Variants in CROCC2 observed in about 807,000 individuals in gnomAD.
CROCC2 encodes the protein ciliary rootlet coiled-coil protein 2.
In CROCC2, 163 loss-of-function variants were observed where a neutral mutation model predicts 177.6. That is an observed-to-expected ratio of 0.92 (90% CI 0.81 to 1.05). The LOEUF (loss-of-function observed/expected upper bound fraction) is 1.05, where lower values mean the gene tolerates loss of function less well. CROCC2 is among the 50% of genes least tolerant of loss of function. CROCC2 has a pLI of 0.00. For missense variants in CROCC2, 1,929 were observed against 1,797.8 expected, an observed-to-expected ratio of 1.07 and a Z score of -1.32; for synonymous variants, 904 against 787.3, an observed-to-expected ratio of 1.15 and a Z score of -2.48.
intron 28 of CROCC2, among the ~76,000 whole-genome samples, chr2:240,986,520 C>T (rs531832669): frequency 2.6e-5 from 4 of 152,352 alleles, no homozygotes; most frequent in East Asian, 1.9e-4. Flanking sequence ...CCTGGAAAGC[C>T]GAGCCGGTGT....
At position 240,982,614 on chromosome 2, in the gene CROCC2, C is replaced by A; in HGVS notation, c.4402-266C>A. 2.9e-6 allele frequency: 1 copy of A among 345,742 alleles called. No individual in the cohort carries two copies. The highest frequency in any genetic ancestry group is 5.2e-6 in the Non-Finnish European group (1 of 192,302). 21.4% of individuals were successfully genotyped at this position (345,742 alleles called of 1,614,324 possible). A position where few individuals can be genotyped will look rare whatever the true frequency, so the allele number is the denominator to read the frequency against. On this transcript the variant is annotated intron_variant, in intron 27 of 31. Transcript: ENST00000690015. This position sits in a 1 kb window ranked among gnomAD's most constrained non-coding sequence, Gnocchi z 4.7. ...CCACTGGCTGCAGCAGAGAACCTGC[C>A]AAGCCCAAGTCTTTGCCCACGCTAG...
chr2:240,910,701 C>T (rs1043862754), intron 1 of CROCC2, among the ~76,000 whole-genome samples: 1 of 152,222 alleles, frequency 6.6e-6, no homozygotes, highest in Non-Finnish European at 1.5e-5. Flanking sequence ...TCTTGTGTTT[C>T]ATTAACCTAC....
chr2:240,974,663 C>T (rs985297315), intron 27 of CROCC2, among the ~76,000 whole-genome samples: 2 of 151,706 alleles, frequency 1.3e-5, no homozygotes, highest in African/African-American at 4.8e-5. Context: ...AGCCACCACA[C>T]CCAGCCAACA....
intron 5 of CROCC2, among the ~76,000 whole-genome samples, chr2:240,928,959 G>C (rs1184451807): frequency 6.6e-6 from 1 of 151,830 alleles, no homozygotes; most frequent in Non-Finnish European, 1.5e-5. Flanking sequence ...TGCCCTCGGA[G>C]GGTGTATGGC....
At position 240,950,475 on chromosome 2, in the gene CROCC2, G is replaced by A. The variant is rs747869470; in HGVS notation, c.2794G>A (p.Glu932Lys). ...EIQSLKQERD[E>K]SLLQLEHKMQ... ...TCAGAGCCTGAAGCAGGAGCGGGAC[G>A]AGAGCCTTCTCCAACTGGAGCACAA... is the stretch of plus-strand genomic sequence containing the variant. Residue 932 changes from glutamate to lysine, a missense_variant, in exon 18 of 32, where the codon GAG (glutamate) becomes AAG (lysine). This residue lies in a region of CROCC2 where 1,397 missense variants were observed against 1,239.9 expected (regional missense o/e 1.13). Transcript: ENST00000690015. The A allele has an allele frequency of 1.3e-5, 20 of 1,550,036 alleles. No homozygotes were observed. The highest frequency in any genetic ancestry group is 1.7e-4 in the Middle Eastern group (1 of 6,012).
rs2059540834 is a variant in CROCC2 at position 240,949,486 on chromosome 2, G to T, written c.2483-47G>T. ...TCCCTAGGAAGTCCCAAAGGGTTCA[G>T]GGGTCCACATGCCAGGCCCTGGTGC... is the stretch of plus-strand genomic sequence containing the variant. On this transcript the variant is annotated intron_variant, in intron 16 of 31. Transcript: ENST00000690015. The surrounding 1 kb of genome is among the most constrained non-coding windows in gnomAD (Gnocchi z 4.5). The T allele has an allele frequency of 1.9e-6, 3 of 1,541,482 alleles. No homozygotes were observed. The highest frequency in any genetic ancestry group is 3.9e-5 in the Admixed American group (2 of 50,810).
chr2:240,931,913 G>C (rs1044512305), intron 7 of CROCC2, among the ~76,000 whole-genome samples: 1 of 152,244 alleles, frequency 6.6e-6, no homozygotes, highest in African/African-American at 2.4e-5. Context: ...GGGGTCTTTA[G>C]GAAGAAGGTG....
At chr2:240,945,791 T>C (rs1459408424) in intron 14 of CROCC2, among the ~76,000 whole-genome samples, 1 of 152,038 alleles carries the variant, frequency 6.6e-6, no homozygotes, top group Non-Finnish European at 1.5e-5. Flanking sequence ...GACCAACAAA[T>C]GGTACCATTT....
Position 240,934,337 on chromosome 2 carries a change from C to T in CROCC2, c.1653C>T (p.Gly551=). ...RSCRALETSQ[G]RLQQLEEKVS... ...CTCTGGTCTGGGGCCTCAGTCAAGG[C>T]CGCCTGCAGCAGCTGGAGGAGAAGG... The change falls in exon 12 of 32, where the codon GGC becomes GGT. Residue 551 remains glycine (G), a synonymous_variant. Transcript: ENST00000690015. The T allele has an allele frequency of 6.5e-7, 1 of 1,548,294 alleles. No individual in the cohort carries two copies. Among genetic ancestry groups the T allele is most frequent in the Non-Finnish European group, 8.7e-7 (1 of 1,146,750 alleles).
At chr2:240,934,064 T>C (rs1003318177) in intron 11 of CROCC2, among the ~76,000 whole-genome samples, 10 of 152,116 alleles carry the variant, frequency 6.6e-5, no homozygotes, top group African/African-American at 2.4e-4. Flanking sequence ...TCTGGCCCAG[T>C]GCCCCACCTG....
intron 5 of CROCC2, among the ~76,000 whole-genome samples, chr2:240,928,711 G>A (rs141633817): frequency 1.1e-4 from 16 of 152,326 alleles, no homozygotes; most frequent in South Asian, 2.1e-4. Context: ...CAGCAGGCAC[G>A]GGGTGGCATG....
At chr2:240,983,219 A>G (rs2059813583) in intron 28 of CROCC2, 190 bp downstream of exon 28, 3 of 859,048 alleles carry the variant, frequency 3.5e-6, no homozygotes, top group East Asian at 2.8e-5. Context: ...ACAGATGGGG[A>G]AACTGAGCCT....
chr2:240,969,661 G>A (rs2059708351), intron 27 of CROCC2, among the ~76,000 whole-genome samples: 1 of 152,248 alleles, frequency 6.6e-6, no homozygotes, highest in Non-Finnish European at 1.5e-5. Context: ...ATAGTCACAT[G>A]TATGTCTCCC....
intron 5 of CROCC2, among the ~76,000 whole-genome samples, chr2:240,928,794 A>G (rs2059410300): frequency 6.6e-6 from 1 of 150,722 alleles, no homozygotes; most frequent in African/African-American, 2.4e-5. Context: ...AGACAGGGGT[A>G]ACGGGCTCAG....
In CROCC2 at chr2:240,922,548, C is replaced by G; in HGVS notation, c.391C>G (p.Arg131Gly). 1 of 694,654 alleles carries G rather than the reference C, an allele frequency of 1.4e-6. No individual in the cohort carries two copies. Among genetic ancestry groups the G allele is most frequent in the East Asian group, 2.8e-5 (1 of 35,684 alleles). 43.0% of individuals were successfully genotyped at this position (694,654 alleles called of 1,614,324 possible). A position where few individuals can be genotyped will look rare whatever the true frequency, so the allele number is the denominator to read the frequency against. ...CRVVSEQLQA[R>G]LETTEAQLRR... is the part of the protein sequence containing the mutation. ...TATTGCTCCTCCCCAGCTGCAGGCC[C>G]GGCTGGAGACCACCGAGGCTCAGCT... is the stretch of plus-strand genomic sequence containing the variant. The change falls in exon 4 of 32, where the codon CGG (arginine) becomes GGG (glycine). Residue 131 changes from arginine to glycine, a missense_variant. By Grantham distance (125) the Arg-to-Gly change is moderately radical. Coordinates refer to ENST00000690015, the MANE Select transcript of CROCC2 (RefSeq NM_001351305.2).
Position 240,963,692 on chromosome 2 carries a change from A to G in CROCC2, c.3224A>G (p.Glu1075Gly). 1 of 1,550,236 alleles carries G rather than the reference A, an allele frequency of 6.5e-7. No homozygotes were observed. The highest frequency in any genetic ancestry group is 8.7e-7 in the Non-Finnish European group (1 of 1,146,808). Residue 1075 changes from glutamate to glycine, a missense_variant, in exon 21 of 32, where the codon GAG becomes GGG. Transcript: ENST00000690015. ...AQEARRALSD[E>G]AREKDVLLLF... The stretch of plus-strand genomic sequence containing the variant: ...GAGGCCCGCCGGGCGCTGAGTGACG[A>G]GGCCCGCGAGAAGGACGTACTGTTG...
In CROCC2 at chr2:240,965,927, C is replaced by T. The variant is rs368224533; in HGVS notation, c.3895C>T (p.Arg1299Cys). 3.4e-5 allele frequency: 48 copies of T among 1,414,658 alleles called. No individual in the cohort carries two copies. Among genetic ancestry groups the T allele is most frequent in the Non-Finnish European group, 4.2e-5 (46 of 1,086,720 alleles). The allele number at this position is 1,414,658 out of a possible 1,614,324, so 87.6% of individuals were successfully genotyped here. A position where few individuals can be genotyped will look rare whatever the true frequency, so the allele number is the denominator to read the frequency against. ...QLGRLCSTLR[R>C]GLGLQRQSPW... ...GGGCCGGCTGTGCTCCACGCTCCGC[C>T]GTGGCCTGGGGCTCCAGAGACAGAG... The change falls in exon 24 of 32, where the codon CGT (arginine) becomes TGT (cysteine). Residue 1299 changes from arginine to cysteine, a missense_variant. Arg to Cys is a radical substitution (Grantham distance 180). Coordinates refer to ENST00000690015, the MANE Select transcript of CROCC2 (RefSeq NM_001351305.2).
intron 19 of CROCC2, chr2:240,956,344 G>A (rs888798522): frequency 1.7e-4 from 41 of 240,350 alleles, no homozygotes; most frequent in Non-Finnish European, 2.5e-4. Context: ...GGGGACATGA[G>A]CACCAGCCTT....
rs1288248836 is a variant in CROCC2 at position 240,953,661 on chromosome 2, G to A, written c.2830-2198G>A. Among the ~76,000 whole-genome samples the A allele has an allele frequency of 1.3e-5, 2 of 152,156 alleles. No homozygotes were observed. The highest frequency in any genetic ancestry group is 4.8e-5 in the African/African-American group (2 of 41,440). On this transcript the variant is annotated intron_variant, in intron 18 of 31. Coordinates refer to ENST00000690015, the MANE Select transcript of CROCC2 (RefSeq NM_001351305.2). The surrounding 1 kb of genome is among the most constrained non-coding windows in gnomAD (Gnocchi z 4.0). ...AGAAATTGAGTGGAGAAGTGGGGCT[G>A]CGGGGTCTAGCAGGACACTTCCCCA...
Sources: gnomAD v4.1 joint callset for allele counts (sites outside exome capture counted in the v4.1 genomes callset) on GRCh38, gnomAD v4.1.1 for gene constraint, gnomAD v4.1.1 regional missense constraint, Gnocchi (gnomAD v3.1) non-coding constraint, MANE v1.5 for transcripts, NCBI Gene and HGNC (gene_info 2026-07-23, HGNC 2026-07-21) for gene names.